The following LRPPRC variants were observed in gnomAD, a reference collection of about 807,000 sequenced individuals.
The protein encoded by LRPPRC is leucine-rich PPR motif-containing protein, mitochondrial.
A neutral mutation model predicts 180.3 loss-of-function variants in LRPPRC; 120 were observed. The ratio of observed to expected loss-of-function variants is 0.67; its 90% CI spans 0.57 to 0.77. The LOEUF (loss-of-function observed/expected upper bound fraction) is 0.77, where lower values mean the gene tolerates loss of function less well. LRPPRC is among the 30% of genes least tolerant of loss of function. LRPPRC has a pLI of 0.00. For missense variants in LRPPRC, 2,012 were observed against 1,657.2 expected, an observed-to-expected ratio of 1.21 and a Z score of -3.72; for synonymous variants, 723 against 600.0, an observed-to-expected ratio of 1.21 and a Z score of -3.00.
chr2:43,892,341 T>G (rs1409646604), intron 36 of LRPPRC, among the ~76,000 whole-genome samples: 1 of 152,208 alleles, frequency 6.6e-6, no homozygotes, highest in Admixed American at 6.5e-5. Flanking sequence ...GGTGACTTTA[T>G]GTTGATGCCA....
At chr2:43,981,556 C>A (rs1439867236) in intron 2 of LRPPRC, among the ~76,000 whole-genome samples, 3 of 151,772 alleles carry the variant, frequency 2.0e-5, no homozygotes, top group African/African-American at 7.3e-5. Context: ...ACTTGGGAGG[C>A]TGAGGCAGGA....
chr2:43,961,521 C>CT (rs1290145664), intron 12 of LRPPRC, among the ~76,000 whole-genome samples: 1 of 152,204 alleles, frequency 6.6e-6, no homozygotes, highest in East Asian at 1.9e-4. Flanking sequence ...AACATACATG[C>CT]TAAGCAATGA....
intron 1 of LRPPRC, among the ~76,000 whole-genome samples, chr2:43,991,965 A>G (rs748264384): frequency 1.1e-4 from 16 of 152,206 alleles, no homozygotes; most frequent in Non-Finnish European, 1.8e-4. Context: ...GATTCACTCA[A>G]CAAACATTTG....
chr2:43,907,437 C>T (rs1198875297), intron 30 of LRPPRC, among the ~76,000 whole-genome samples: 1 of 152,036 alleles, frequency 6.6e-6, no homozygotes, highest in Non-Finnish European at 1.5e-5. Context: ...CTTTTCACAC[C>T]TAATTTTGAT....
chr2:43,955,512 A>C (rs1281012360), intron 14 of LRPPRC, among the ~76,000 whole-genome samples: 1 of 151,118 alleles, frequency 6.6e-6, no homozygotes, highest in African/African-American at 2.4e-5. Flanking sequence ...ATTATGAATC[A>C]CTGTGCTACA....
chr2:43,898,911 C>G (rs1046905472), intron 34 of LRPPRC, among the ~76,000 whole-genome samples: 3 of 152,168 alleles, frequency 2.0e-5, no homozygotes, highest in Non-Finnish European at 4.4e-5. Flanking sequence ...TCTATCTGCA[C>G]AGAAAGATTT....
At chr2:43,969,304 T>C (rs916419094) in intron 11 of LRPPRC, among the ~76,000 whole-genome samples, 15 of 151,198 alleles carry the variant, frequency 9.9e-5, no homozygotes, top group Admixed American at 2.0e-4. Context: ...CCCAGCTACT[T>C]GGGAGGCTGA....
At chr2:43,934,526 A>G (rs1672202948) in intron 24 of LRPPRC, among the ~76,000 whole-genome samples, 1 of 152,138 alleles carries the variant, frequency 6.6e-6, no homozygotes, top group East Asian at 1.9e-4. Flanking sequence ...ATCACCAAGA[A>G]TTAGAACACA....
At chr2:43,896,828 G>T in intron 34 of LRPPRC, 120 bp from the exon 35 acceptor site, 1 of 695,852 alleles carries the variant, frequency 1.4e-6, no homozygotes, top group Non-Finnish European at 2.6e-6. Flanking sequence ...CAATAGGAAG[G>T]CCTAATAGTC....
chr2:43,949,802 C>T (rs1055753298), intron 15 of LRPPRC, 143 bp from the exon 16 acceptor site: 7 of 677,370 alleles, frequency 1.0e-5, no homozygotes, highest in Non-Finnish European at 1.6e-5. Flanking sequence ...CACCCCCACC[C>T]GCCAAGGAGA....
chr2:43,957,018 C>A (rs1323758150), intron 14 of LRPPRC, among the ~76,000 whole-genome samples: 1 of 152,174 alleles, frequency 6.6e-6, no homozygotes, highest in Non-Finnish European at 1.5e-5. Context: ...TCTCTGAGCA[C>A]ACAGAAGGGG....
intron 29 of LRPPRC, among the ~76,000 whole-genome samples, chr2:43,913,288 G>A (rs984315468): frequency 6.6e-6 from 1 of 152,100 alleles, no homozygotes. Flanking sequence ...AAATAAAACT[G>A]CCTGGCTATA....
Position 43,931,927 on chromosome 2 carries a change from T to TC in LRPPRC, c.2736+2262_2736+2263insG, listed in dbSNP as rs1558961689. ...TCCTTCTCAGTCTTTCTCCCTTCCCTTCATTCTAGTCAAAGAGATAGACCT... is the reference window on the plus strand; with the variant it reads ...TCCTTCTCAGTCTTTCTCCCTTCCCTCTCATTCTAGTCAAAGAGATAGACCT... On this transcript the variant is annotated intron_variant, in intron 25 of 37. Coordinates refer to ENST00000260665, the MANE Select transcript of LRPPRC (RefSeq NM_133259.4). Among the ~76,000 whole-genome samples, 7 of 152,054 alleles carry TC rather than the reference T, an allele frequency of 4.6e-5. No homozygotes were observed. In the East Asian group the frequency reaches 1.4e-3, roughly 29 times the overall value.
intron 36 of LRPPRC, among the ~76,000 whole-genome samples, chr2:43,890,661 C>A (rs968921304): frequency 1.3e-5 from 2 of 152,054 alleles, no homozygotes; most frequent in African/African-American, 4.8e-5. Flanking sequence ...TGCAGTGAGC[C>A]GAGATGGTGC....
rs758779821 is a variant in LRPPRC, at chr2:43,899,347, C to G, written c.3710-13G>C. The G allele has an allele frequency of 8.7e-6, 14 of 1,610,386 alleles. No homozygotes were observed. The East Asian group carries it at 2.7e-4, about 31-fold the overall frequency. ...GCCATGATGCTTACTGGAAAAATGA[C>G]AGGTAAGAAAAATCTTTCATTAGAA... On this transcript the variant is annotated splice_polypyrimidine_tract_variant and intron_variant, in intron 33 of 37. Coordinates refer to ENST00000260665, the MANE Select transcript of LRPPRC (RefSeq NM_133259.4).
intron 25 of LRPPRC, among the ~76,000 whole-genome samples, chr2:43,931,568 C>T (rs761423242): frequency 6.6e-6 from 1 of 152,174 alleles, no homozygotes; most frequent in Non-Finnish European, 1.5e-5. Flanking sequence ...TAAGTGCAGA[C>T]GCACAATTCA....
At chr2:43,955,089 T>C (rs1174231046) in intron 14 of LRPPRC, among the ~76,000 whole-genome samples, 1 of 152,148 alleles carries the variant, frequency 6.6e-6, no homozygotes, top group African/African-American at 2.4e-5. Context: ...CATTAAATTA[T>C]AGTCATAATT....
Position 43,974,223 on chromosome 2 carries a change from C to A in LRPPRC, c.1082G>T (p.Cys361Phe). The change falls in exon 9 of 38, where the codon TGC (cysteine) becomes TTC (phenylalanine). Residue 361 changes from cysteine (C) to phenylalanine (F), a missense_variant. Physicochemically the swap from Cys to Phe is radical, Grantham distance 205. Transcript: ENST00000260665. Reference protein sequence around the residue: ...EDVALQILLACPVSKEDGPSV... With the variant: ...EDVALQILLAFPVSKEDGPSV... ...TGGGCCATCTTCCTTTGATACGGGGCATGCTAGTAAAATTTGCAACGCTAC... is the reference window on the plus strand; with the variant it reads ...TGGGCCATCTTCCTTTGATACGGGGAATGCTAGTAAAATTTGCAACGCTAC... 1.2e-6 allele frequency: 2 copies of A among 1,610,932 alleles called. No individual in the cohort carries two copies. Among genetic ancestry groups the A allele is most frequent in the Admixed American group, 1.7e-5 (1 of 60,008 alleles).
At chr2:43,960,461 T>A in intron 13 of LRPPRC, 80 bp downstream of exon 13, 2 of 823,420 alleles carry the variant, frequency 2.4e-6, no homozygotes, top group East Asian at 2.4e-5. Flanking sequence ...CTTGCTTTCA[T>A]TGCGTGAACC....
Sources: allele counts gnomAD v4.1 joint callset (sites outside exome capture counted in the v4.1 genomes callset), GRCh38; gene constraint gnomAD v4.1.1; transcripts MANE v1.5; gene names NCBI Gene and HGNC (gene_info 2026-07-23, HGNC 2026-07-21).